ZC3H12C: variants seen among roughly 807,000 people sequenced by gnomAD.
ZC3H12C encodes zinc finger CCCH-type containing 12C.
In ZC3H12C, 20 loss-of-function variants were observed where a neutral mutation model predicts 76.3. The ratio of observed to expected loss-of-function variants is 0.26; its 90% CI spans 0.18 to 0.38. The LOEUF (loss-of-function observed/expected upper bound fraction) is 0.38. ZC3H12C is among the 10% of genes least tolerant of loss of function. The pLI is 1.00. For synonymous variants in ZC3H12C, 352 were observed against 399.6 expected (o/e 0.88, Z 1.42); for missense variants, 874 against 1,086.5 (o/e 0.80, Z 2.75).
intron 1 of ZC3H12C, among the ~76,000 whole-genome samples, chr11:110,096,110 C>A (rs1343440981): frequency 6.6e-6 from 1 of 152,136 alleles, no homozygotes; most frequent in African/African-American, 2.4e-5. Context: ...GAAGATTCAA[C>A]AAAACACATG....
intron 4 of ZC3H12C, 33 bp downstream of exon 4, chr11:110,159,523 G>A: frequency 1.3e-6 from 2 of 1,500,614 alleles, no homozygotes; most frequent in East Asian, 4.8e-5. Context: ...CAATGATACT[G>A]CTTCTGTAAA....
chr11:110,104,202 G>C (rs1861276179), intron 1 of ZC3H12C, among the ~76,000 whole-genome samples: 1 of 151,758 alleles, frequency 6.6e-6, no homozygotes, highest in Admixed American at 6.6e-5. Context: ...TACCCGACAG[G>C]CATGCACCAC....
At position 110,164,690 on chromosome 11, in the gene ZC3H12C, T is replaced by G; in HGVS notation, c.1605T>G (p.Thr535=). 6.2e-7 allele frequency: 1 copy of G among 1,614,028 alleles called. No homozygotes were observed. The highest frequency in any genetic ancestry group is 8.5e-7 in the Non-Finnish European group (1 of 1,179,894). The change falls in exon 6 of 6, where the codon ACT becomes ACG. Residue 535 remains threonine, a synonymous_variant. Coordinates refer to ENST00000278590, the MANE Select transcript of ZC3H12C (RefSeq NM_033390.2). The surrounding 1 kb of genome is among the most constrained non-coding windows in gnomAD (Gnocchi z 5.7). ...PATSTAKPQS[T]TSLSNGLPSG... is the part of the protein sequence containing the mutation. ...CTTCTACTGCAAAACCCCAAAGCAC[T>G]ACATCTTTAAGCAATGGCCTTCCAT...
At chr11:110,151,694 G>GA (rs1332609980) in intron 2 of ZC3H12C, among the ~76,000 whole-genome samples, 6 of 152,024 alleles carry the variant, frequency 3.9e-5, no homozygotes, top group Non-Finnish European at 7.4e-5. Flanking sequence ...TTCTTACCTA[G>GA]AAAATTACCT....
chr11:110,114,850 G>T, intron 1 of ZC3H12C, among the ~76,000 whole-genome samples: 1 of 152,066 alleles, frequency 6.6e-6, no homozygotes, highest in Non-Finnish European at 1.5e-5. Flanking sequence ...ATTTTAGGGG[G>T]AAAAATATTA....
chr11:110,112,486 C>T (rs1183065411), intron 1 of ZC3H12C, among the ~76,000 whole-genome samples: 2 of 152,272 alleles, frequency 1.3e-5, no homozygotes, highest in Non-Finnish European at 1.5e-5. Flanking sequence ...CCACCACACC[C>T]GATCCCTTTT....
intron 1 of ZC3H12C, among the ~76,000 whole-genome samples, chr11:110,115,922 G>C (rs751521958): frequency 1.8e-4 from 27 of 151,792 alleles, no homozygotes; most frequent in Non-Finnish European, 3.7e-4. Flanking sequence ...ACAATGCTCA[G>C]CTAATTTTTG....
At chr11:110,160,321 A>G (rs1862456901) in intron 4 of ZC3H12C, among the ~76,000 whole-genome samples, 2 of 152,296 alleles carry the variant, frequency 1.3e-5, no homozygotes, top group South Asian at 4.1e-4. Flanking sequence ...AAATTTATCA[A>G]AAAATACTTT....
At chr11:110,139,869 CTTTT>C (rs58867910) in intron 2 of ZC3H12C, among the ~76,000 whole-genome samples, 1 of 131,514 alleles carries the variant, frequency 7.6e-6, no homozygotes. Flanking sequence ...CATATATTTT[CTTTT>C]TTTTTTTTTT....
chr11:110,130,883 C>G (rs1400371704), intron 1 of ZC3H12C: 5 of 687,314 alleles, frequency 7.3e-6, no homozygotes, highest in Non-Finnish European at 1.2e-5. Flanking sequence ...ACGCAGGGTG[C>G]TGAGGTTGTC....
At chr11:110,154,342 G>C (rs598429) in intron 3 of ZC3H12C, among the ~76,000 whole-genome samples, 148,730 of 151,094 alleles carry the variant, frequency 0.98, 73,253 homozygotes, top group East Asian at 1. Flanking sequence ...TGCACTCCAA[G>C]CTGGGTGACA....
chr11:110,139,366 G>T (rs533765882), intron 2 of ZC3H12C, among the ~76,000 whole-genome samples: 1 of 152,292 alleles, frequency 6.6e-6, no homozygotes, highest in East Asian at 1.9e-4. Flanking sequence ...TTTAAAGCTG[G>T]CTCTGTAATC....
chr11:110,099,471 A>G (rs1259077968), intron 1 of ZC3H12C, among the ~76,000 whole-genome samples: 1 of 152,174 alleles, frequency 6.6e-6, no homozygotes, highest in Non-Finnish European at 1.5e-5. Flanking sequence ...TAAATTATTA[A>G]GGGAGTACAA....
chr11:110,103,251 A>G (rs1163606467), intron 1 of ZC3H12C, among the ~76,000 whole-genome samples: 4 of 152,246 alleles, frequency 2.6e-5, no homozygotes, highest in Non-Finnish European at 5.9e-5. Flanking sequence ...GAAGAATATA[A>G]TTAACCTTAT....
intron 1 of ZC3H12C, chr11:110,130,865 C>T (rs865824725): frequency 6.5e-6 from 4 of 619,806 alleles, no homozygotes; most frequent in East Asian, 2.8e-5. Context: ...TAGAAACCTA[C>T]GAACCTGACG....
At chr11:110,130,896 G>C in intron 1 of ZC3H12C, 1 of 784,458 alleles carries the variant, frequency 1.3e-6, no homozygotes, top group Admixed American at 2.7e-5. Context: ...AGGTTGTCTT[G>C]CATCTGCCCG....
intron 3 of ZC3H12C, among the ~76,000 whole-genome samples, chr11:110,157,405 T>A (rs1862398059): frequency 6.6e-6 from 1 of 151,832 alleles, no homozygotes; most frequent in Non-Finnish European, 1.5e-5. Context: ...GAGCCACATT[T>A]CTTCCACTCA....
In ZC3H12C at chr11:110,163,311, CCA is replaced by C; in HGVS notation, c.1188_1189del (p.Leu398GlyfsTer2). On this transcript the variant is annotated frameshift_variant, in exon 5 of 6. Coordinates refer to ENST00000278590, the MANE Select transcript of ZC3H12C (RefSeq NM_033390.2). LOFTEE classifies it high-confidence loss of function. ...GATGACCCTCTTGGCAGACATGGCC[CCA>C]GTCTGGATAATTTTCTGAGGAAGAA... The C allele has an allele frequency of 6.2e-7, 1 of 1,613,130 alleles. No homozygotes were observed. Among genetic ancestry groups the C allele is most frequent in the Non-Finnish European group, 8.5e-7 (1 of 1,179,626 alleles).
chr11:110,152,840 C>A, intron 2 of ZC3H12C, 79 bp from the exon 3 acceptor site: 1 of 1,489,896 alleles, frequency 6.7e-7, no homozygotes, highest in Non-Finnish European at 9.1e-7. Flanking sequence ...CTATGTAATA[C>A]TTTCTGTTTA....
Sources: allele counts gnomAD v4.1 joint callset (sites outside exome capture counted in the v4.1 genomes callset), GRCh38; gene constraint gnomAD v4.1.1; non-coding constraint Gnocchi (gnomAD v3.1); transcripts MANE v1.5; gene names NCBI Gene and HGNC (gene_info 2026-07-23, HGNC 2026-07-21).